The following SLC14A2 variants were observed in gnomAD, a reference collection of about 807,000 sequenced individuals.
The protein encoded by SLC14A2 is solute carrier family 14 member 2.
In SLC14A2, 91 loss-of-function variants were observed where a neutral mutation model predicts 104.6. The observed-to-expected ratio is 0.87, with a 90% CI of 0.73 to 1.04. The LOEUF (loss-of-function observed/expected upper bound fraction) is 1.04. Among genes scored for constraint, SLC14A2 ranks in the 50% least tolerant of loss-of-function variants. SLC14A2 has a pLI of 0.00. For missense variants in SLC14A2, 1,189 were observed against 1,156.0 expected, an observed-to-expected ratio of 1.03 and a Z score of -0.41; for synonymous variants, 476 against 466.4, an observed-to-expected ratio of 1.02 and a Z score of -0.27.
intron 18 of SLC14A2, among the ~76,000 whole-genome samples, chr18:45,678,282 C>T (rs1039061966): frequency 3.3e-5 from 5 of 152,192 alleles, no homozygotes; most frequent in African/African-American, 1.2e-4. Context: ...AGTGCTTACA[C>T]TGTAGGAATG....
At chr18:45,220,804 T>G (rs1398272010) in intron 1 of SLC14A2, among the ~76,000 whole-genome samples, 1 of 152,214 alleles carries the variant, frequency 6.6e-6, no homozygotes, top group Non-Finnish European at 1.5e-5. Context: ...ATTTATTTTC[T>G]TGTGGTTCTC....
chr18:45,442,970 C>G (rs2086704161), intron 1 of SLC14A2, among the ~76,000 whole-genome samples: 1 of 152,166 alleles, frequency 6.6e-6, no homozygotes, highest in Admixed American at 6.6e-5. Context: ...TACACAATGT[C>G]AATATGTGGG....
intron 2 of SLC14A2, among the ~76,000 whole-genome samples, chr18:45,581,562 C>T (rs1301549039): frequency 2.6e-5 from 4 of 152,176 alleles, no homozygotes; most frequent in Non-Finnish European, 4.4e-5. Context: ...CTGAGTCTTA[C>T]AGACTGAGTT....
chr18:45,642,811 C>T (rs1373019186), intron 8 of SLC14A2, among the ~76,000 whole-genome samples: 1 of 152,258 alleles, frequency 6.6e-6, no homozygotes, highest in Non-Finnish European at 1.5e-5. Context: ...TCGCTACCAT[C>T]AGCGTAGACT....
chr18:45,477,330 T>A (rs1188102011), intron 1 of SLC14A2, among the ~76,000 whole-genome samples: 2 of 152,202 alleles, frequency 1.3e-5, no homozygotes, highest in Non-Finnish European at 2.9e-5. Context: ...ACAGCAAAGA[T>A]TGCTGCCTGT....
chr18:45,351,845 C>G (rs2085506774), intron 1 of SLC14A2, among the ~76,000 whole-genome samples: 1 of 151,996 alleles, frequency 6.6e-6, no homozygotes, highest in Non-Finnish European at 1.5e-5. Flanking sequence ...GCTGGAGAGG[C>G]AAGAAAGGGA....
chr18:45,626,447 C>T (rs2045258482), intron 3 of SLC14A2, among the ~76,000 whole-genome samples: 1 of 152,208 alleles, frequency 6.6e-6, no homozygotes, highest in South Asian at 2.1e-4. Flanking sequence ...TACCTGGCCT[C>T]CTCCAGGCCC....
chr18:45,211,839 C>T (rs1265493080), upstream of SLC14A2, among the ~76,000 whole-genome samples: 1 of 152,128 alleles, frequency 6.6e-6, no homozygotes, highest in East Asian at 1.9e-4. Context: ...AAAACCATAC[C>T]TGAGTGGGCT....
the SLC14A2 span, among the ~76,000 whole-genome samples, chr18:45,198,007 T>A: frequency 6.6e-6 from 1 of 152,290 alleles, no homozygotes; most frequent in South Asian, 2.1e-4. Context: ...TTATCCTGAA[T>A]ATAAGTTATA....
intron 1 of SLC14A2, among the ~76,000 whole-genome samples, chr18:45,355,094 A>C (rs1280977988): frequency 6.6e-6 from 1 of 152,160 alleles, no homozygotes; most frequent in Non-Finnish European, 1.5e-5. Flanking sequence ...GGGCAGAGAG[A>C]TGTTCATGGA....
chr18:45,187,131 C>T, the SLC14A2 span, among the ~76,000 whole-genome samples: 1 of 152,172 alleles, frequency 6.6e-6, no homozygotes, highest in Non-Finnish European at 1.5e-5. Flanking sequence ...GAATATTCTG[C>T]ATTTCCTTTT....
intron 10 of SLC14A2, among the ~76,000 whole-genome samples, chr18:45,652,206 A>G (rs1302252627): frequency 6.6e-6 from 1 of 152,210 alleles, no homozygotes; most frequent in Non-Finnish European, 1.5e-5. Flanking sequence ...TCAATAAACC[A>G]TGGTCTCATC....
chr18:45,508,582 C>T (rs1264087709), intron 2 of SLC14A2, among the ~76,000 whole-genome samples: 2 of 152,198 alleles, frequency 1.3e-5, no homozygotes, highest in Non-Finnish European at 2.9e-5. Flanking sequence ...ATGTCTTTAT[C>T]GTCAGTGTGA....
intron 2 of SLC14A2, among the ~76,000 whole-genome samples, chr18:45,519,762 C>T (rs1010785396): frequency 6.6e-6 from 1 of 152,198 alleles, no homozygotes; most frequent in African/African-American, 2.4e-5. Flanking sequence ...AAATTCCACC[C>T]GTGCTGTTAC....
At chr18:45,597,598 T>A (rs1383884422) in intron 2 of SLC14A2, among the ~76,000 whole-genome samples, 1 of 152,132 alleles carries the variant, frequency 6.6e-6, no homozygotes, top group South Asian at 2.1e-4. Flanking sequence ...AGAGGGCAGG[T>A]CATGGAGACC....
chr18:45,255,808 GCCCCTGCAC>G lies in SLC14A2; in HGVS notation c.-125+42632_-125+42640del, dbSNP rs563130484. On this transcript the variant is annotated intron_variant, in intron 1 of 20. Coordinates refer to the SLC14A2 transcript ENST00000586448. Reference sequence around the variant, plus strand: ...TAAAAAGGAAAAGCATAAGCCACCAGCCCCTGCACCCCCTGCACCCCCTTCAATGGTGTC... The same window carrying G: ...TAAAAAGGAAAAGCATAAGCCACCAGCCCCTGCACCCCCTTCAATGGTGTC... Among the ~76,000 whole-genome samples the G allele has an allele frequency of 1.4e-3, 217 of 152,218 alleles. 4 individuals carry two copies. Among genetic ancestry groups the G allele is most frequent in the South Asian group, 6.7e-3 (32 of 4,812 alleles).
intron 1 of SLC14A2, among the ~76,000 whole-genome samples, chr18:45,241,633 T>C (rs2084317210): frequency 6.9e-6 from 1 of 145,656 alleles, no homozygotes; most frequent in Non-Finnish European, 1.5e-5. Flanking sequence ...TTTTCTTTTC[T>C]TTTCTCTTTT....
chr18:45,640,753 C>A (rs1249876445), intron 7 of SLC14A2, among the ~76,000 whole-genome samples: 1 of 152,160 alleles, frequency 6.6e-6, no homozygotes, highest in East Asian at 1.9e-4. Context: ...CCCAGATGTA[C>A]CCACTGTTCA....
chr18:45,282,827 C>T lies in SLC14A2; in HGVS notation c.-125+69636C>T, dbSNP rs116333632. ...TCCCTACCTCCCTCCCTACCTCCCT[C>T]CCTTCCTTTCTTTTCTTCTCTTCCT... On this transcript the variant is annotated intron_variant, in intron 1 of 20. Coordinates refer to the SLC14A2 transcript ENST00000586448. 9.3e-3 allele frequency among the ~76,000 whole-genome samples: 458 copies of T among 49,364 alleles called. 3 individuals carry two copies. The highest frequency in any genetic ancestry group is 0.035 in the African/African-American group (416 of 11,870). 32.4% of individuals were successfully genotyped at this position (49,364 alleles called of 152,430 possible).
Sources: allele counts gnomAD v4.1 joint callset (sites outside exome capture counted in the v4.1 genomes callset), GRCh38; gene constraint gnomAD v4.1.1; transcripts MANE v1.5; gene names NCBI Gene and HGNC (gene_info 2026-07-23, HGNC 2026-07-21).